Variants in GALC observed in about 807,000 individuals in gnomAD.
The protein encoded by GALC is galactocerebrosidase.
In GALC, 77 loss-of-function variants were observed where a neutral mutation model predicts 91.8. The ratio of observed to expected loss-of-function variants is 0.84; its 90% CI spans 0.70 to 1.01. The LOEUF (loss-of-function observed/expected upper bound fraction) is 1.01, where lower values mean the gene tolerates loss of function less well. Ranked by LOEUF, GALC falls within the 50% of genes least tolerant of loss-of-function variation. The probability of loss-of-function intolerance (pLI) is 0.00; values close to 1 mark genes in which losing one functional copy is unlikely to be tolerated. For synonymous variants in GALC, 357 were observed against 306.7 expected (o/e 1.16, Z -1.71); for missense variants, 882 against 855.9 (o/e 1.03, Z -0.38).
chr14:87,960,283 G>A (rs369867540), intron 10 of GALC, among the ~76,000 whole-genome samples: 1 of 152,140 alleles, frequency 6.6e-6, no homozygotes, highest in Non-Finnish European at 1.5e-5. Context: ...GACAGGAAGA[G>A]GTCGGTCAAC....
intron 10 of GALC, among the ~76,000 whole-genome samples, chr14:87,958,612 C>T (rs887989797): frequency 3.3e-5 from 5 of 152,052 alleles, no homozygotes; most frequent in South Asian, 2.1e-4. Context: ...GCTATAGTAA[C>T]GATTAATAAA....
At chr14:87,960,038 AT>A (rs1249762597) in intron 10 of GALC, among the ~76,000 whole-genome samples, 1 of 152,152 alleles carries the variant, frequency 6.6e-6, no homozygotes, top group African/African-American at 2.4e-5. Context: ...AATAAGACAA[AT>A]ACCTCATGAT....
chr14:87,982,149 A>G, intron 6 of GALC, 56 bp downstream of exon 6: 1 of 941,886 alleles, frequency 1.1e-6, no homozygotes, highest in East Asian at 2.5e-5. Context: ...GTTAGGAACC[A>G]TAAGGAATTA....
rs1345725720 is a variant in GALC at position 87,944,466 on chromosome 14, G to C, written c.1670+1087C>G. Among the ~76,000 whole-genome samples the C allele has an allele frequency of 3.3e-5, 5 of 151,866 alleles. 1 individual carries two copies. Among genetic ancestry groups the C allele is most frequent in the Non-Finnish European group, 7.4e-5 (5 of 67,934 alleles). ...AATAAGACCATCAGTCACAAATAAGGATGCCAAGAACTCCACTACCATAAC... is the reference window on the plus strand; with the variant it reads ...AATAAGACCATCAGTCACAAATAAGCATGCCAAGAACTCCACTACCATAAC... On this transcript the variant is annotated intron_variant, in intron 14 of 16. Coordinates refer to ENST00000261304, the MANE Select transcript of GALC (RefSeq NM_000153.4).
At position 87,976,350 on chromosome 14, in the gene GALC, T is replaced by C. The variant is rs750292340; in HGVS notation, c.752+8A>G. The C allele has an allele frequency of 6.2e-7, 1 of 1,613,848 alleles. No homozygotes were observed. The highest frequency in any genetic ancestry group is 8.5e-7 in the Non-Finnish European group (1 of 1,179,960). ...AACTGCTAGTTTTCCAAGTAAAACA[T>C]GCCTTACCCTATAACATCAACCACC... On this transcript the variant is annotated splice_region_variant and intron_variant, in intron 7 of 16. Transcript: ENST00000261304.
intron 10 of GALC, chr14:87,954,720 T>C (rs951780268): frequency 1.6e-5 from 25 of 1,553,468 alleles, no homozygotes; most frequent in Non-Finnish European, 1.9e-5. Context: ...GCTCAGAAGA[T>C]AGCTCTAAAT....
intron 7 of GALC, among the ~76,000 whole-genome samples, chr14:87,969,248 G>A (rs527601002): frequency 2.6e-5 from 4 of 152,180 alleles, no homozygotes; most frequent in African/African-American, 9.6e-5. Context: ...GAGAAGAGAG[G>A]CCAAAAATGC....
chr14:87,953,374 G>A, intron 10 of GALC: 1 of 1,423,860 alleles, frequency 7.0e-7, no homozygotes, highest in Non-Finnish European at 9.9e-7. Context: ...TCAACTTGAT[G>A]ATTTTACAGA....
intron 10 of GALC, among the ~76,000 whole-genome samples, chr14:87,956,035 TCAAAC>T (rs1885525436): frequency 6.6e-6 from 1 of 151,926 alleles, no homozygotes; most frequent in Non-Finnish European, 1.5e-5. Context: ...AACACTAACT[TCAAAC>T]CACCCCTGAA....
In GALC at chr14:87,980,487, T is replaced by C. The variant is rs1007413057; in HGVS notation, c.621+1718A>G. On this transcript the variant is annotated intron_variant, in intron 6 of 16. Coordinates refer to ENST00000261304, the MANE Select transcript of GALC (RefSeq NM_000153.4). ...TAATCCATCTTTCATGACTTGTTTT[T>C]CCCCCATATCCCTTTACCTCTCAAT... 5.1e-6 allele frequency: 5 copies of C among 982,602 alleles called. No homozygotes were observed. In the African/African-American group the frequency reaches 8.8e-5, roughly 17 times the overall value. The allele number at this position is 982,602 out of a possible 1,614,324, so 60.9% of individuals were successfully genotyped here.
At chr14:87,970,696 TA>T (rs1886254286) in intron 7 of GALC, among the ~76,000 whole-genome samples, 1 of 141,424 alleles carries the variant, frequency 7.1e-6, no homozygotes, top group Admixed American at 7.0e-5. Flanking sequence ...CTGTCTCTAC[TA>T]AAAATACAAA....
Position 87,968,415 on chromosome 14 carries a change from A to G in GALC, c.828T>C (p.Phe276=), listed in dbSNP as rs368679728. Residue 276 remains phenylalanine (F), a synonymous_variant, in exon 8 of 17, where the codon TTT becomes TTC. Coordinates refer to ENST00000261304, the MANE Select transcript of GALC (RefSeq NM_000153.4). The part of the protein sequence containing the change: ...TGKKLWSSED[F]STLNSDMGAG... ...CACCCATGTCACTATTTAAAGTGCTAAAGTCTTCAGAAGACCAAAGCTTCT... is the reference window on the plus strand; with the variant it reads ...CACCCATGTCACTATTTAAAGTGCTGAAGTCTTCAGAAGACCAAAGCTTCT... 2.0e-5 allele frequency: 32 copies of G among 1,613,744 alleles called. No homozygotes were observed. In the African/African-American group the frequency reaches 2.3e-4, roughly 11 times the overall value.
At chr14:87,971,624 C>A (rs1886297477) in intron 7 of GALC, among the ~76,000 whole-genome samples, 1 of 151,774 alleles carries the variant, frequency 6.6e-6, no homozygotes, top group African/African-American at 2.4e-5. Context: ...CCAATATATC[C>A]AAAATATTAT....
intron 14 of GALC, among the ~76,000 whole-genome samples, chr14:87,945,129 A>AACAG (rs35140407): frequency 0.07 from 10,698 of 151,964 alleles, 455 homozygotes; most frequent in African/African-American, 0.084. Context: ...TCACCTGGTA[A>AACAG]ATCTTTTAAT....
chr14:87,950,206 C>A (rs1054388730), intron 11 of GALC, among the ~76,000 whole-genome samples: 1 of 151,896 alleles, frequency 6.6e-6, no homozygotes, highest in African/African-American at 2.4e-5. Flanking sequence ...TGTGTAATAA[C>A]TTCTAAATTA....
intron 7 of GALC, among the ~76,000 whole-genome samples, chr14:87,972,602 T>C (rs944041088): frequency 2.0e-5 from 3 of 152,066 alleles, no homozygotes; most frequent in East Asian, 1.9e-4. Flanking sequence ...GTTAGCAATA[T>C]AGGAAATTAA....
At chr14:87,975,204 G>C (rs1268751351) in intron 7 of GALC, among the ~76,000 whole-genome samples, 3 of 152,028 alleles carry the variant, frequency 2.0e-5, no homozygotes, top group Non-Finnish European at 4.4e-5. Flanking sequence ...ATATTAAACT[G>C]TAGGGGTTGA....
At position 87,967,565 on chromosome 14, in the gene GALC, T is replaced by A. The variant is rs573738988; in HGVS notation, c.908+770A>T. 3.9e-5 allele frequency among the ~76,000 whole-genome samples: 6 copies of A among 152,310 alleles called. No individual in the cohort carries two copies. The South Asian group carries it at 1.2e-3, about 32-fold the overall frequency. On this transcript the variant is annotated intron_variant, in intron 8 of 16. Transcript: ENST00000261304. ...TTAAAAAAAGCTAATTGGAATCTAT[T>A]CACAATTCAAGTGTTTTTCAAAGCA...
At chr14:87,952,255 A>T (rs1885342872) in intron 10 of GALC, among the ~76,000 whole-genome samples, 1 of 151,964 alleles carries the variant, frequency 6.6e-6, no homozygotes, top group Non-Finnish European at 1.5e-5. Flanking sequence ...AATCAGGTTA[A>T]GAGAAAACAT....
Sources: allele counts gnomAD v4.1 joint callset (sites outside exome capture counted in the v4.1 genomes callset), GRCh38; gene constraint gnomAD v4.1.1; transcripts MANE v1.5; gene names NCBI Gene and HGNC (gene_info 2026-07-23, HGNC 2026-07-21).